Variants in ARHGAP6 observed in about 807,000 individuals in gnomAD.
The protein encoded by ARHGAP6 is rho GTPase-activating protein 6.
ARHGAP6 carries 16 observed loss-of-function variants against 55.7 expected under a neutral mutation model. The ratio of observed to expected loss-of-function variants is 0.29; its 90% CI spans 0.19 to 0.44. The LOEUF (loss-of-function observed/expected upper bound fraction) is 0.44, where lower values mean the gene tolerates loss of function less well. Among genes scored for constraint, ARHGAP6 ranks in the 20% least tolerant of loss-of-function variants. ARHGAP6 has a pLI of 1.00. For missense variants in ARHGAP6, 698 were observed against 808.9 expected (o/e 0.86, Z 1.66); for synonymous variants, 382 against 360.9 (o/e 1.06, Z -0.66).
At chrX:11,508,492 C>T (rs778519633) in intron 1 of ARHGAP6, among the ~76,000 whole-genome samples, 1 of 111,338 alleles carries the variant, frequency 9.0e-6, no homozygotes, top group South Asian at 3.8e-4. Context: ...TGCCCTGACC[C>T]CGACTGTAAC....
At chrX:11,451,063 C>T (rs766767541) in intron 1 of ARHGAP6, among the ~76,000 whole-genome samples, 67 of 111,406 alleles carry the variant, frequency 6.0e-4, no homozygotes, top group Non-Finnish European at 1.1e-3. Flanking sequence ...CCCAGGGATG[C>T]TTAGCCTCCC....
At chrX:11,634,985 G>A (rs1445687284) in intron 1 of ARHGAP6, among the ~76,000 whole-genome samples, 1 of 110,275 alleles carries the variant, frequency 9.1e-6, no homozygotes, top group Non-Finnish European at 1.9e-5. Flanking sequence ...TCATTGGCAG[G>A]ATTCAATTCC....
intron 1 of ARHGAP6, among the ~76,000 whole-genome samples, chrX:11,607,297 C>T (rs1013217935): frequency 1.8e-5 from 2 of 111,794 alleles, no homozygotes; most frequent in African/African-American, 6.5e-5. Context: ...ATGATATCAA[C>T]AGAGGTCCAA....
rs1273891809 is a variant in ARHGAP6 at position 11,519,077 on chromosome X, T to A, written c.588+145164A>T. Among the ~76,000 whole-genome samples the A allele has an allele frequency of 1.2e-4, 11 of 95,141 alleles. No homozygotes were observed. In the Admixed American group the frequency reaches 1.3e-3, roughly 11 times the overall value. The allele number at this position is 95,141 out of a possible 115,157, so 82.6% of individuals were successfully genotyped here. On this transcript the variant is annotated intron_variant, in intron 1 of 12. Coordinates refer to ENST00000337414, the MANE Select transcript of ARHGAP6 (RefSeq NM_013427.3). ...GGTTCCAAGTCTTTGCTATTGTGAA[T>A]AATGCCGCAATAAACATACATGTGC...
At chrX:11,464,744 A>G (rs185027204) in intron 1 of ARHGAP6, among the ~76,000 whole-genome samples, 1 of 112,447 alleles carries the variant, frequency 8.9e-6, no homozygotes, top group East Asian at 2.8e-4. Flanking sequence ...AATGAGCTTC[A>G]TGTAAGGAGC....
intron 2 of ARHGAP6, among the ~76,000 whole-genome samples, chrX:11,245,394 C>T (rs749604979): frequency 2.7e-5 from 3 of 111,529 alleles, no homozygotes; most frequent in Non-Finnish European, 5.7e-5. Context: ...CTCAGTTTGG[C>T]TCTAGAGAGA....
chrX:11,376,284 A>G (rs2049199857), intron 1 of ARHGAP6, among the ~76,000 whole-genome samples: 1 of 112,789 alleles, frequency 8.9e-6, no homozygotes, highest in African/African-American at 3.2e-5. Context: ...GATTAAGTGT[A>G]TAGACCTTGA....
intron 1 of ARHGAP6, among the ~76,000 whole-genome samples, chrX:11,305,286 C>A (rs1176443550): frequency 9.0e-6 from 1 of 111,728 alleles, no homozygotes; most frequent in Non-Finnish European, 1.9e-5. Context: ...GTCTCTAAAT[C>A]AAAACTATCC....
chrX:11,242,330 G>T (rs1292172612), intron 2 of ARHGAP6, among the ~76,000 whole-genome samples: 2 of 112,442 alleles, frequency 1.8e-5, no homozygotes, highest in Non-Finnish European at 3.8e-5. Flanking sequence ...CCTTAACTAG[G>T]TGTTCTTTGT....
At chrX:11,161,472 T>G (rs2045943272) in intron 9 of ARHGAP6, among the ~76,000 whole-genome samples, 2 of 111,780 alleles carry the variant, frequency 1.8e-5, no homozygotes, top group South Asian at 7.6e-4. Context: ...TTGGCTCTGC[T>G]GTTTATAATT....
intron 4 of ARHGAP6, among the ~76,000 whole-genome samples, chrX:11,187,167 T>C (rs1484985356): frequency 9.0e-6 from 1 of 111,303 alleles, no homozygotes; most frequent in Non-Finnish European, 1.9e-5. Flanking sequence ...AGAGAGATAA[T>C]ATTATCTCCT....
chrX:11,159,483 G>GGA (rs1263264661), intron 9 of ARHGAP6, among the ~76,000 whole-genome samples: 3 of 110,176 alleles, frequency 2.7e-5, no homozygotes, highest in Non-Finnish European at 5.7e-5. Flanking sequence ...TTTATTGGAT[G>GGA]GAGAGAGAGA....
intron 1 of ARHGAP6, among the ~76,000 whole-genome samples, chrX:11,264,330 T>C (rs2147503814): frequency 8.9e-6 from 1 of 111,987 alleles, no homozygotes; most frequent in Non-Finnish European, 1.9e-5. Context: ...GGGTTACCGA[T>C]AAACTAAAGA....
At position 11,144,180 on chromosome X, in the gene ARHGAP6, T is replaced by C. The variant is rs1397976867; in HGVS notation, c.1976A>G (p.Asn659Ser). ...VGGRHSSTDSNKASSGDISPY... is the reference protein window; with the variant it reads ...VGGRHSSTDSSKASSGDISPY... ...GGAGATGTCTCCGCTGGAGGCCTTG[T>C]TGGAGTCTGTAGATGAATGCCTCCC... is the stretch of plus-strand genomic sequence containing the variant. The change falls in exon 11 of 13, where the codon AAC (asparagine) becomes AGC (serine). Residue 659 changes from asparagine (N) to serine (S), a missense_variant. By Grantham distance (46) the Asn-to-Ser change is conservative. Transcript: ENST00000337414. 1.7e-6 allele frequency: 2 copies of C among 1,211,961 alleles called. No homozygotes were observed. Among genetic ancestry groups the C allele is most frequent in the African/African-American group, 3.5e-5 (2 of 57,808 alleles).
intron 1 of ARHGAP6, among the ~76,000 whole-genome samples, chrX:11,512,657 A>G (rs756104009): frequency 9.0e-6 from 1 of 111,460 alleles, no homozygotes; most frequent in South Asian, 3.9e-4. Flanking sequence ...TTGCCACACC[A>G]TAAGAAAAAC....
intron 1 of ARHGAP6, among the ~76,000 whole-genome samples, chrX:11,425,530 T>C (rs2049869409): frequency 1.8e-5 from 2 of 112,037 alleles, no homozygotes; most frequent in South Asian, 3.8e-4. Flanking sequence ...CCGGGTGACT[T>C]ATTCCAACCT....
At chrX:11,609,067 T>C (rs1987844511) in intron 1 of ARHGAP6, among the ~76,000 whole-genome samples, 1 of 111,651 alleles carries the variant, frequency 9.0e-6, no homozygotes, top group Admixed American at 9.5e-5. Flanking sequence ...CGCGACTAGA[T>C]AGATGTAGGT....
chrX:11,564,118 A>G (rs755296972), intron 1 of ARHGAP6, among the ~76,000 whole-genome samples: 1 of 111,978 alleles, frequency 8.9e-6, no homozygotes, highest in South Asian at 3.7e-4. Flanking sequence ...GAATAGATAA[A>G]TCAGTGTTCA....
chrX:11,461,106 T>C (rs1001430170), intron 1 of ARHGAP6, among the ~76,000 whole-genome samples: 1 of 111,949 alleles, frequency 8.9e-6, no homozygotes, highest in Non-Finnish European at 1.9e-5. Flanking sequence ...ATTTACTTTC[T>C]TGGCCAGAAA....
Sources: allele counts gnomAD v4.1 joint callset (sites outside exome capture counted in the v4.1 genomes callset), GRCh38; gene constraint gnomAD v4.1.1; transcripts MANE v1.5; gene names NCBI Gene and HGNC (gene_info 2026-07-23, HGNC 2026-07-21).